The following RAB3GAP1 variants were observed in gnomAD, a reference collection of about 807,000 sequenced individuals.
RAB3GAP1 encodes the protein rab3 GTPase-activating protein catalytic subunit.
RAB3GAP1 carries 86 observed loss-of-function variants against 130.7 expected under a neutral mutation model. The ratio of observed to expected loss-of-function variants is 0.66; its 90% CI spans 0.55 to 0.79. The LOEUF (loss-of-function observed/expected upper bound fraction) is 0.79. Ranked by LOEUF, RAB3GAP1 falls within the 30% of genes least tolerant of loss-of-function variation. The pLI is 0.00. For missense variants in RAB3GAP1, 1,029 were observed against 1,169.4 expected, an observed-to-expected ratio of 0.88 and a Z score of 1.75; for synonymous variants, 367 against 401.7, an observed-to-expected ratio of 0.91 and a Z score of 1.03.
At chr2:135,118,854 C>T (rs1329511183) in intron 7 of RAB3GAP1, among the ~76,000 whole-genome samples, 1 of 151,810 alleles carries the variant, frequency 6.6e-6, no homozygotes, top group Admixed American at 6.5e-5. Context: ...CCATACCTTC[C>T]GATAAAGCCA....
At chr2:135,099,909 T>A (rs1305223337) in intron 5 of RAB3GAP1, among the ~76,000 whole-genome samples, 2 of 152,136 alleles carry the variant, frequency 1.3e-5, no homozygotes, top group Non-Finnish European at 2.9e-5. Flanking sequence ...TTAGGTTATA[T>A]AGCAGAGAGA....
chr2:135,143,270 G>C (rs1232711198), intron 17 of RAB3GAP1, among the ~76,000 whole-genome samples: 1 of 151,584 alleles, frequency 6.6e-6, no homozygotes, highest in Non-Finnish European at 1.5e-5. Flanking sequence ...AGTGATTATA[G>C]AATCTATAAT....
rs1692757957 is a variant in RAB3GAP1 at position 135,169,005 on chromosome 2, C to CTAGG, written c.*227_*228insGTAG. 2.7e-6 allele frequency: 1 copy of CTAGG among 376,148 alleles called. No individual in the cohort carries two copies. Among genetic ancestry groups the CTAGG allele is most frequent in the Admixed American group, 4.2e-5 (1 of 23,866 alleles). 23.3% of individuals were successfully genotyped at this position (376,148 alleles called of 1,614,324 possible). A position where few individuals can be genotyped will look rare whatever the true frequency, so the allele number is the denominator to read the frequency against. On this transcript the variant is annotated 3_prime_UTR_variant, in exon 24 of 24. Coordinates refer to ENST00000264158, the MANE Select transcript of RAB3GAP1 (RefSeq NM_012233.3). The stretch of plus-strand genomic sequence containing the variant: ...CTTGAGCTGTTGAGAGATTTCTGCC[C>CTAGG]TAGAGATGGCCTTTGTATATGGGGG...
At chr2:135,130,841 C>A in intron 13 of RAB3GAP1, 120 bp downstream of exon 13, 3 of 923,314 alleles carry the variant, frequency 3.2e-6, no homozygotes, top group Non-Finnish European at 5.0e-6. Flanking sequence ...ACAGTTACCA[C>A]ATTTAGAAAA....
At chr2:135,146,321 T>A (rs1691993334) in intron 17 of RAB3GAP1, among the ~76,000 whole-genome samples, 1 of 151,668 alleles carries the variant, frequency 6.6e-6, no homozygotes. Flanking sequence ...AAGTGATTCT[T>A]GTGCCTCAGC....
chr2:135,157,278 G>A (rs965631609), intron 19 of RAB3GAP1, among the ~76,000 whole-genome samples: 2 of 152,080 alleles, frequency 1.3e-5, no homozygotes, highest in Admixed American at 6.5e-5. Context: ...CTCATCTTCC[G>A]AAAGTGTTGG....
chr2:135,165,065 C>A (rs1443085188), intron 23 of RAB3GAP1: 5 of 441,458 alleles, frequency 1.1e-5, no homozygotes, highest in Admixed American at 5.2e-5. Context: ...ATCTTTAAAC[C>A]CCATGTAGGG....
intron 3 of RAB3GAP1, among the ~76,000 whole-genome samples, chr2:135,088,982 C>T (rs965011095): frequency 1.3e-5 from 2 of 151,876 alleles, no homozygotes; most frequent in African/African-American, 4.8e-5. Context: ...GAAGTCTTTG[C>T]TAATATGCCT....
At chr2:135,121,502 T>A (rs1012104096) in intron 8 of RAB3GAP1, among the ~76,000 whole-genome samples, 1 of 152,322 alleles carries the variant, frequency 6.6e-6, no homozygotes, top group South Asian at 2.1e-4. Flanking sequence ...GACAGCAATA[T>A]GAGCAACACA....
chr2:135,111,964 A>G (rs1335829800), intron 5 of RAB3GAP1, among the ~76,000 whole-genome samples: 2 of 152,346 alleles, frequency 1.3e-5, no homozygotes, highest in Admixed American at 6.5e-5. Flanking sequence ...ATTAGTCTCA[A>G]TACCTCTTAA....
At chr2:135,150,575 C>T (rs1050501194) in intron 18 of RAB3GAP1, 69 bp downstream of exon 18, 2 of 1,595,850 alleles carry the variant, frequency 1.3e-6, no homozygotes, top group South Asian at 1.1e-5. Flanking sequence ...GAAAATCACT[C>T]TGTAAAGTGG....
intron 5 of RAB3GAP1, among the ~76,000 whole-genome samples, chr2:135,107,105 A>T (rs1278636818): frequency 6.6e-6 from 1 of 152,076 alleles, no homozygotes; most frequent in African/African-American, 2.4e-5. Context: ...GGAGAAAAAA[A>T]AAAAAAAACC....
At chr2:135,129,929 T>C in intron 11 of RAB3GAP1, 66 bp from the exon 12 acceptor site, 2 of 1,018,362 alleles carry the variant, frequency 2.0e-6, no homozygotes, top group East Asian at 2.5e-5. Flanking sequence ...AGATGTACTT[T>C]AATTTATAGG....
intron 3 of RAB3GAP1, among the ~76,000 whole-genome samples, chr2:135,078,127 A>G (rs1689682860): frequency 6.6e-6 from 1 of 152,144 alleles, no homozygotes; most frequent in African/African-American, 2.4e-5. Context: ...TTCAGATGTT[A>G]TGAAGGATTT....
At chr2:135,140,059 CTTG>C (rs1046808667) in intron 17 of RAB3GAP1, among the ~76,000 whole-genome samples, 3 of 152,034 alleles carry the variant, frequency 2.0e-5, no homozygotes, top group South Asian at 2.1e-4. Flanking sequence ...GAGAGTCATC[CTTG>C]TTGTTGCAGG....
intron 3 of RAB3GAP1, chr2:135,059,065 A>C (rs1264153778): frequency 1.3e-5 from 2 of 152,142 alleles, no homozygotes; most frequent in Non-Finnish European, 2.9e-5. Flanking sequence ...AAGGAAAAAA[A>C]ATCTCCTTAT....
chr2:135,145,023 A>T (rs979923458), intron 17 of RAB3GAP1, among the ~76,000 whole-genome samples: 5 of 152,208 alleles, frequency 3.3e-5, no homozygotes, highest in African/African-American at 1.2e-4. Flanking sequence ...TTGCTAAGTC[A>T]ATACTAACAG....
At chr2:135,153,274 A>C (rs1221397400) in intron 18 of RAB3GAP1, among the ~76,000 whole-genome samples, 1 of 152,214 alleles carries the variant, frequency 6.6e-6, no homozygotes, top group Non-Finnish European at 1.5e-5. Context: ...TGTGTAACAC[A>C]TAATGTGTTT....
intron 5 of RAB3GAP1, among the ~76,000 whole-genome samples, chr2:135,104,730 A>C (rs1690543320): frequency 6.6e-6 from 1 of 151,640 alleles, no homozygotes; most frequent in African/African-American, 2.4e-5. Context: ...AAATAAATAA[A>C]TAAATAAAAT....
Sources: gnomAD v4.1 joint callset for allele counts (sites outside exome capture counted in the v4.1 genomes callset) on GRCh38, gnomAD v4.1.1 for gene constraint, MANE v1.5 for transcripts, NCBI Gene and HGNC (gene_info 2026-07-23, HGNC 2026-07-21) for gene names.